The following SCN3A variants were observed in gnomAD, a reference collection of about 807,000 sequenced individuals.
The protein encoded by SCN3A is sodium voltage-gated channel alpha subunit 3.
Under a neutral mutation model 187.6 loss-of-function variants are expected in SCN3A, and 60 were observed. The observed-to-expected ratio is 0.32, with a 90% CI of 0.26 to 0.40. The LOEUF (loss-of-function observed/expected upper bound fraction) is 0.40. Ranked by LOEUF, SCN3A falls within the 10% of genes least tolerant of loss-of-function variation. The probability of loss-of-function intolerance (pLI) is 1.00; values close to 1 mark genes in which losing one functional copy is unlikely to be tolerated. For missense variants in SCN3A, 1,601 were observed against 2,428.2 expected, an observed-to-expected ratio of 0.66 and a Z score of 7.16; for synonymous variants, 788 against 829.2, an observed-to-expected ratio of 0.95 and a Z score of 0.85.
intron 18 of SCN3A, 92 bp downstream of exon 18, chr2:165,127,539 T>G: frequency 3.1e-6 from 3 of 980,226 alleles, no homozygotes; most frequent in Non-Finnish European, 4.8e-6. Flanking sequence ...TATTGCTTTT[T>G]GATAATGCAT....
At chr2:165,109,395 AATG>A (rs1213069688) in intron 21 of SCN3A, among the ~76,000 whole-genome samples, 1 of 152,138 alleles carries the variant, frequency 6.6e-6, no homozygotes, top group African/African-American at 2.4e-5. Context: ...CCTTGTTTTG[AATG>A]TCTAATAAAC....
At chr2:165,160,394 A>G (rs1472543865) in intron 9 of SCN3A, among the ~76,000 whole-genome samples, 1 of 152,138 alleles carries the variant, frequency 6.6e-6, no homozygotes, top group African/African-American at 2.4e-5. Context: ...CGGTGGAAAA[A>G]TTGTCTTCCA....
At chr2:165,183,900 C>G (rs1194564092) in intron 2 of SCN3A, among the ~76,000 whole-genome samples, 1 of 152,036 alleles carries the variant, frequency 6.6e-6, no homozygotes, top group Non-Finnish European at 1.5e-5. Flanking sequence ...ATTTTCACGT[C>G]TTTGAGAAGG....
chr2:165,122,318 G>A (rs1376886938), intron 18 of SCN3A, among the ~76,000 whole-genome samples: 2 of 146,514 alleles, frequency 1.4e-5, no homozygotes, highest in Non-Finnish European at 3.0e-5. Flanking sequence ...AATTGGATAG[G>A]CTGAAAATTA....
chr2:165,115,423 G>T (rs199786946), intron 19 of SCN3A, 32 bp downstream of exon 19: 49 of 1,612,798 alleles, frequency 3.0e-5, no homozygotes, highest in Non-Finnish European at 4.0e-5. Context: ...AACAAGGGGA[G>T]ATTGTATTTA....
rs148730568 is a variant in SCN3A at position 165,141,376 on chromosome 2, A to G, written c.1672-378T>C. Among the ~76,000 whole-genome samples, 296 of 152,312 alleles carry G rather than the reference A, an allele frequency of 1.9e-3. 3 individuals carry two copies. The highest frequency in any genetic ancestry group is 6.7e-3 in the African/African-American group (278 of 41,566). ...AATAGTAAGTAGCTTCTACTTCTTA[A>G]TGCTATAATCTGAAGGGAATGTAGC... On this transcript the variant is annotated intron_variant, in intron 12 of 27. Coordinates refer to ENST00000283254, the MANE Select transcript of SCN3A (RefSeq NM_006922.4).
chr2:165,117,804 G>A (rs996043361), intron 18 of SCN3A, among the ~76,000 whole-genome samples: 4 of 151,996 alleles, frequency 2.6e-5, no homozygotes, highest in African/African-American at 9.7e-5. Flanking sequence ...TAATAAAAAA[G>A]TAATTATACA....
intron 12 of SCN3A, among the ~76,000 whole-genome samples, chr2:165,141,670 C>T (rs183064055): frequency 3.3e-5 from 5 of 152,212 alleles, no homozygotes; most frequent in Admixed American, 2.0e-4. Context: ...AAATGGCAAC[C>T]AATGATTCAC....
chr2:165,149,365 G>A (rs183435642), intron 11 of SCN3A, among the ~76,000 whole-genome samples: 8 of 151,990 alleles, frequency 5.3e-5, no homozygotes, highest in Admixed American at 2.6e-4. Flanking sequence ...AGTAGAGACA[G>A]GGTTTCACTA....
At chr2:165,120,878 A>T (rs1686639268) in intron 18 of SCN3A, among the ~76,000 whole-genome samples, 1 of 151,546 alleles carries the variant, frequency 6.6e-6, no homozygotes, top group African/African-American at 2.4e-5. Flanking sequence ...CTGGACATAT[A>T]TTAAATGTAC....
chr2:165,180,248 G>T (rs1690758313), intron 2 of SCN3A, among the ~76,000 whole-genome samples: 1 of 152,154 alleles, frequency 6.6e-6, no homozygotes, highest in African/African-American at 2.4e-5. Flanking sequence ...AAATATTTAT[G>T]GAGGGATTCT....
At chr2:165,163,244 A>C (rs924016483) in intron 7 of SCN3A, among the ~76,000 whole-genome samples, 3 of 152,070 alleles carry the variant, frequency 2.0e-5, no homozygotes, top group African/African-American at 4.8e-5. Flanking sequence ...TGCCATATAC[A>C]TGCTCTTCAA....
chr2:165,157,799 T>G (rs116104673), intron 9 of SCN3A, among the ~76,000 whole-genome samples: 1,718 of 152,356 alleles, frequency 0.011, 26 homozygotes, highest in Middle Eastern at 0.044. Flanking sequence ...TTTTATATTT[T>G]GGATTACAAT....
intron 9 of SCN3A, among the ~76,000 whole-genome samples, chr2:165,157,002 C>T (rs1689095103): frequency 6.6e-6 from 1 of 152,062 alleles, no homozygotes; most frequent in Non-Finnish European, 1.5e-5. Context: ...GCTCCGCCTC[C>T]CAGGTTCACA....
intron 19 of SCN3A, 46 bp from the exon 20 acceptor site, chr2:165,114,016 A>G: frequency 7.8e-7 from 1 of 1,279,638 alleles, no homozygotes; most frequent in Non-Finnish European, 1.1e-6. Flanking sequence ...TTAATCTTAA[A>G]TAGGAAAAAA....
intron 15 of SCN3A, among the ~76,000 whole-genome samples, chr2:165,132,711 A>G (rs968172015): frequency 6.6e-6 from 1 of 152,354 alleles, no homozygotes; most frequent in Non-Finnish European, 1.5e-5. Context: ...CATTCAGGAC[A>G]TAGGCATGGG....
chr2:165,164,738 G>T lies in SCN3A; in HGVS notation c.474-218C>A, dbSNP rs11903799. 0.23 allele frequency among the ~76,000 whole-genome samples: 34,351 copies of T among 151,794 alleles called. 5,081 individuals carry two copies. Among genetic ancestry groups the T allele is most frequent in the East Asian group, 0.52 (2,686 of 5,158 alleles). On this transcript the variant is annotated intron_variant, in intron 5 of 27. Transcript: ENST00000283254. ...AATATATTCTTTAGGAATCTAATCT[G>T]GTTTAACTATTTGGGTTTTAGAATA...
Position 165,095,445 on chromosome 2 carries a change from G to A in SCN3A, c.4431+66C>T, listed in dbSNP as rs1401838870. 2.7e-6 allele frequency: 4 copies of A among 1,477,322 alleles called. No individual in the cohort carries two copies. The African/African-American group carries it at 4.2e-5, about 15-fold the overall frequency. 91.5% of individuals were successfully genotyped at this position (1,477,322 alleles called of 1,614,324 possible). A position where few individuals can be genotyped will look rare whatever the true frequency, so the allele number is the denominator to read the frequency against. ...GTCTGTCATGACCACAGGTATTCTG[G>A]TTATTTGGCTGTATTAACAGACAGA... is the stretch of plus-strand genomic sequence containing the variant. On this transcript the variant is annotated intron_variant, in intron 25 of 27. Transcript: ENST00000283254.
intron 21 of SCN3A, among the ~76,000 whole-genome samples, chr2:165,109,527 TG>T (rs1484161921): frequency 1.3e-5 from 2 of 152,230 alleles, no homozygotes; most frequent in African/African-American, 4.8e-5. Context: ...TCTACCCATT[TG>T]TTCACGGTGA....
Sources: gnomAD v4.1 joint callset for allele counts (sites outside exome capture counted in the v4.1 genomes callset) on GRCh38, gnomAD v4.1.1 for gene constraint, MANE v1.5 for transcripts, NCBI Gene and HGNC (gene_info 2026-07-23, HGNC 2026-07-21) for gene names.